The following ROBO1 variants were observed in gnomAD, a reference collection of about 807,000 sequenced individuals.
The protein encoded by ROBO1 is roundabout guidance receptor 1.
ROBO1 carries 149 observed loss-of-function variants against 195.9 expected under a neutral mutation model. The observed-to-expected ratio is 0.76, with a 90% CI of 0.67 to 0.87. ROBO1 has a LOEUF of 0.87. Among genes scored for constraint, ROBO1 ranks in the 40% least tolerant of loss-of-function variants. The probability of loss-of-function intolerance (pLI) is 0.00; values close to 1 mark genes in which losing one functional copy is unlikely to be tolerated. For synonymous variants in ROBO1, 816 were observed against 733.2 expected, an observed-to-expected ratio of 1.11 and a Z score of -1.82; for missense variants, 1,933 against 2,068.3, an observed-to-expected ratio of 0.93 and a Z score of 1.27.
At chr3:78,717,908 T>C in intron 5 of ROBO1, 25 bp from the exon 6 acceptor site, 1 of 1,610,896 alleles carries the variant, frequency 6.2e-7, no homozygotes, top group Non-Finnish European at 8.5e-7. Context: ...TTCACAGGAA[T>C]ACTATTAAAA....
chr3:78,733,024 T>C (rs2082317407), intron 5 of ROBO1, among the ~76,000 whole-genome samples: 1 of 152,120 alleles, frequency 6.6e-6, no homozygotes, highest in African/African-American at 2.4e-5. Flanking sequence ...TTTAAGGAGA[T>C]AAAAACTGAA....
intron 7 of ROBO1, chr3:78,715,024 G>GTTTAC (rs2081865176): frequency 6.6e-6 from 1 of 152,278 alleles, no homozygotes; most frequent in South Asian, 2.1e-4. Context: ...TCATTTTTGA[G>GTTTAC]TTTACTTGTC....
At chr3:79,097,914 A>T (rs2079600222) in intron 3 of ROBO1, among the ~76,000 whole-genome samples, 2 of 151,716 alleles carry the variant, frequency 1.3e-5, no homozygotes, top group Non-Finnish European at 2.9e-5. Flanking sequence ...CCTAGAGATT[A>T]TATAAAATAA....
At position 79,259,785 on chromosome 3, in the gene ROBO1, CTG is replaced by C. The variant is rs568758493; in HGVS notation, c.89-134248_89-134247del. Among the ~76,000 whole-genome samples the C allele has an allele frequency of 9.2e-5, 14 of 152,292 alleles. No homozygotes were observed. The South Asian group carries it at 2.5e-3, about 27-fold the overall frequency. On this transcript the variant is annotated intron_variant, in intron 2 of 30. Transcript: ENST00000464233. ...AAATCGACATTTCTCAAATTACCCACTGTGTGTACTGACCTTCACTTTTATTA... is the reference window on the plus strand; with the variant it reads ...AAATCGACATTTCTCAAATTACCCACTGTGTACTGACCTTCACTTTTATTA...
intron 1 of ROBO1, among the ~76,000 whole-genome samples, chr3:79,704,570 T>C (rs1393272304): frequency 2.0e-5 from 3 of 152,050 alleles, no homozygotes; most frequent in East Asian, 1.9e-4. Flanking sequence ...AACACTTTTA[T>C]GTATCCTTTC....
intron 2 of ROBO1, among the ~76,000 whole-genome samples, chr3:79,159,225 G>A (rs763963015): frequency 5.3e-5 from 8 of 151,954 alleles, no homozygotes; most frequent in Admixed American, 1.3e-4. Flanking sequence ...TAGGGAAAAT[G>A]TTCTCAGTCT....
chr3:79,248,380 A>G (rs1030917685), intron 2 of ROBO1, among the ~76,000 whole-genome samples: 2 of 141,460 alleles, frequency 1.4e-5, no homozygotes, highest in African/African-American at 5.0e-5. Context: ...AGACCAAAAA[A>G]AAAAAAAAAA....
chr3:79,330,703 C>A (rs1033205901), intron 2 of ROBO1, among the ~76,000 whole-genome samples: 3 of 148,624 alleles, frequency 2.0e-5, no homozygotes, highest in East Asian at 3.9e-4. Flanking sequence ...AAGCTTGCAA[C>A]CCCTGCTGTA....
chr3:79,053,609 G>C (rs1481452165), intron 3 of ROBO1, among the ~76,000 whole-genome samples: 2 of 151,546 alleles, frequency 1.3e-5, no homozygotes, highest in African/African-American at 4.9e-5. Flanking sequence ...CTGCTTCTCT[G>C]TACCCTTCTT....
chr3:78,946,905 A>C (rs1232270869), intron 3 of ROBO1, among the ~76,000 whole-genome samples: 1 of 152,208 alleles, frequency 6.6e-6, no homozygotes, highest in Non-Finnish European at 1.5e-5. Flanking sequence ...TTAAACCAAC[A>C]AAGATGAAAA....
At chr3:78,750,943 T>C (rs964095601) in intron 4 of ROBO1, among the ~76,000 whole-genome samples, 3 of 152,208 alleles carry the variant, frequency 2.0e-5, no homozygotes, top group Non-Finnish European at 4.4e-5. Flanking sequence ...TTATTTTTTG[T>C]TGTTTTGCTT....
rs114224962 is a variant in ROBO1, at chr3:79,582,876, C to T, written c.88+6948G>A. Among the ~76,000 whole-genome samples, 109 of 152,144 alleles carry T rather than the reference C, an allele frequency of 7.2e-4. 1 individual carries two copies. The highest frequency in any genetic ancestry group is 1.8e-3 in the Admixed American group (28 of 15,252). On this transcript the variant is annotated intron_variant, in intron 2 of 30. Coordinates refer to ENST00000464233, the MANE Select transcript of ROBO1 (RefSeq NM_002941.4). The stretch of plus-strand genomic sequence containing the variant: ...CATGAGCCTGGGATTCTCTTTCCTA[C>T]TCACCCCTTTTCAACCTTGTAAAAC...
At chr3:79,599,291 A>G (rs773007209) in intron 1 of ROBO1, among the ~76,000 whole-genome samples, 56 of 152,082 alleles carry the variant, frequency 3.7e-4, no homozygotes, top group Admixed American at 7.2e-4. Flanking sequence ...ACATCTGTTC[A>G]GCATGTTAAA....
chr3:79,501,760 AC>A (rs1441180319), intron 2 of ROBO1, among the ~76,000 whole-genome samples: 1 of 152,240 alleles, frequency 6.6e-6, no homozygotes, highest in Non-Finnish European at 1.5e-5. Flanking sequence ...TTTTAAAAAA[AC>A]AAATCTATGT....
chr3:78,807,150 A>C (rs1187722458), intron 4 of ROBO1, among the ~76,000 whole-genome samples: 1 of 152,150 alleles, frequency 6.6e-6, no homozygotes, highest in Admixed American at 6.5e-5. Flanking sequence ...TTCTTTTCTG[A>C]GTTGCTATCA....
At chr3:79,476,433 A>C (rs1938549158) in intron 2 of ROBO1, among the ~76,000 whole-genome samples, 1 of 152,156 alleles carries the variant, frequency 6.6e-6, no homozygotes, top group Non-Finnish European at 1.5e-5. Flanking sequence ...AAAAGAAGTC[A>C]TTATGCGAAA....
chr3:79,278,571 T>C (rs1473659256), intron 2 of ROBO1, among the ~76,000 whole-genome samples: 1 of 152,142 alleles, frequency 6.6e-6, no homozygotes, highest in African/African-American at 2.4e-5. Context: ...AAAAGGGTGT[T>C]AAGACAACTC....
At chr3:78,648,157 G>C (rs1461909039) in intron 19 of ROBO1, among the ~76,000 whole-genome samples, 1 of 151,706 alleles carries the variant, frequency 6.6e-6, no homozygotes, top group African/African-American at 2.4e-5. Flanking sequence ...GGCAAGGAAA[G>C]GGGAAGAAGA....
chr3:79,434,550 TAA>T (rs1437734425), intron 2 of ROBO1, among the ~76,000 whole-genome samples: 1 of 149,626 alleles, frequency 6.7e-6, no homozygotes, highest in African/African-American at 2.6e-5. Context: ...TGGCGATCAT[TAA>T]AAAGTCAGGA....
Sources: allele counts gnomAD v4.1 joint callset (sites outside exome capture counted in the v4.1 genomes callset), GRCh38; gene constraint gnomAD v4.1.1; transcripts MANE v1.5; gene names NCBI Gene and HGNC (gene_info 2026-07-23, HGNC 2026-07-21).